The following PTHLH variants were observed in gnomAD, a reference collection of about 807,000 sequenced individuals.
PTHLH encodes the protein parathyroid hormone-related protein.
Under a neutral mutation model 18.6 loss-of-function variants are expected in PTHLH, and 5 were observed. The observed-to-expected ratio is 0.27, with a 90% CI of 0.14 to 0.56. PTHLH has a LOEUF of 0.56. PTHLH is among the 20% of genes least tolerant of loss of function. PTHLH has a pLI of 0.92. For missense variants in PTHLH, 207 were observed against 223.9 expected (o/e 0.92, Z 0.48); for synonymous variants, 90 against 94.0 (o/e 0.96, Z 0.25).
intron 5 of PTHLH, among the ~76,000 whole-genome samples, chr12:27,962,162 C>T (rs12812817): frequency 0.2 from 30,782 of 151,836 alleles, 3,561 homozygotes; most frequent in African/African-American, 0.3. Context: ...CCGTGGAATG[C>T]CTTGGCTTTC....
At chr12:27,965,532 T>C (rs1052996143) in intron 4 of PTHLH, among the ~76,000 whole-genome samples, 1 of 152,212 alleles carries the variant, frequency 6.6e-6, no homozygotes, top group South Asian at 2.1e-4. Context: ...GAAAATACAG[T>C]CATCATTTCT....
chr12:27,961,382 AATAG>A (rs1555124154), intron 5 of PTHLH, among the ~76,000 whole-genome samples: 2 of 138,920 alleles, frequency 1.4e-5, no homozygotes, highest in South Asian at 2.3e-4. Flanking sequence ...GATAGATATA[AATAG>A]ATAGATGATA....
At chr12:27,967,947 C>T (rs1214174523) in intron 4 of PTHLH, among the ~76,000 whole-genome samples, 1 of 152,148 alleles carries the variant, frequency 6.6e-6, no homozygotes, top group African/African-American at 2.4e-5. Flanking sequence ...ATTTCTTAAG[C>T]AACTTTAAAG....
intron 4 of PTHLH, among the ~76,000 whole-genome samples, chr12:27,965,852 T>G (rs1052442327): frequency 3.2e-4 from 49 of 152,250 alleles, no homozygotes; most frequent in Admixed American, 2.9e-3. Context: ...CAGATATAAT[T>G]GCATATTTCA....
chr12:27,966,582 C>T (rs549762367), intron 4 of PTHLH, among the ~76,000 whole-genome samples: 1 of 152,124 alleles, frequency 6.6e-6, no homozygotes, highest in Admixed American at 6.5e-5. Flanking sequence ...GTAAATATGG[C>T]CTCAATAATA....
chr12:27,970,386 C>A (rs2062859276), intron 2 of PTHLH, 119 bp from the exon 3 acceptor site: 1 of 147,926 alleles, frequency 6.8e-6, no homozygotes, highest in South Asian at 1.9e-4. Context: ...CGACGGGCGG[C>A]CCGAACGGGC....
intron 5 of PTHLH, chr12:27,962,113 C>T: frequency 1.9e-6 from 1 of 520,710 alleles, no homozygotes. Context: ...AGCTTTGGGG[C>T]CACCTATTTC....
chr12:27,969,125 T>C, intron 4 of PTHLH: 1 of 481,026 alleles, frequency 2.1e-6, no homozygotes, highest in East Asian at 3.6e-5. Context: ...CAGAGGATCT[T>C]TCCCTAGAAG....
At chr12:27,961,270 A>G (rs937626925) in intron 5 of PTHLH, among the ~76,000 whole-genome samples, 2 of 56,370 alleles carry the variant, frequency 3.5e-5, no homozygotes, top group African/African-American at 6.0e-5. Context: ...ACCTCTTTTT[A>G]TAACTCATAT....
At chr12:27,964,781 C>G (rs2062797434) in intron 4 of PTHLH, among the ~76,000 whole-genome samples, 2 of 152,198 alleles carry the variant, frequency 1.3e-5, no homozygotes, top group African/African-American at 4.8e-5. Context: ...AATTCTCTAT[C>G]AATCCTTTTA....
intron 4 of PTHLH, among the ~76,000 whole-genome samples, chr12:27,965,259 G>A (rs1358993904): frequency 6.6e-6 from 1 of 152,192 alleles, no homozygotes; most frequent in Non-Finnish European, 1.5e-5. Context: ...TTTCCTCAAC[G>A]CTTTCTCCTG....
intron 5 of PTHLH, 47 bp downstream of exon 5, chr12:27,963,301 C>T: frequency 6.2e-7 from 1 of 1,613,966 alleles, no homozygotes. Flanking sequence ...CTCCAAAACC[C>T]AGCTGAGAGC....
At chr12:27,960,646 A>G (rs1050538136) in intron 5 of PTHLH, among the ~76,000 whole-genome samples, 3 of 146,692 alleles carry the variant, frequency 2.0e-5, no homozygotes, top group Non-Finnish European at 4.5e-5. Context: ...TGAACCCAGG[A>G]GGCGGAGGTT....
chr12:27,961,221 C>A (rs1196576341), intron 5 of PTHLH, among the ~76,000 whole-genome samples: 1 of 143,142 alleles, frequency 7.0e-6, no homozygotes, highest in East Asian at 2.0e-4. Context: ...AAGAACATTG[C>A]AAATTTGAAA....
At chr12:27,971,036 C>G (rs1251485356) in intron 2 of PTHLH, among the ~76,000 whole-genome samples, 1 of 152,130 alleles carries the variant, frequency 6.6e-6, no homozygotes, top group Non-Finnish European at 1.5e-5. Flanking sequence ...CAGGAGAGAT[C>G]CCCCTTTTGA....
Position 27,969,457 on chromosome 12 carries a change from A to G in PTHLH, c.38T>C (p.Val13Ala). 2 of 1,592,192 alleles carry G rather than the reference A, an allele frequency of 1.3e-6. No individual in the cohort carries two copies. Among genetic ancestry groups the G allele is most frequent in the Non-Finnish European group, 1.7e-6 (2 of 1,171,164 alleles). ...GGGCACCGCGTAGCTCAGCAGGAAC[A>G]CCGCGACGCTCCACTGCTGAACCAG... ...RRLVQQWSVAVFLLSYAVPSC... is the reference protein window; with the variant it reads ...RRLVQQWSVAAFLLSYAVPSC... The change falls in exon 4 of 6, where the codon GTG becomes GCG. Residue 13 changes from valine to alanine, a missense_variant. Physicochemically the swap from Val to Ala is moderately conservative, Grantham distance 64 (BLOSUM62 0). Coordinates refer to ENST00000545234, the MANE Select transcript of PTHLH (RefSeq NM_198965.2).
chr12:27,963,679 C>A lies in PTHLH; in HGVS notation c.193G>T (p.Ala65Ser), dbSNP rs762237637. 14 of 1,613,244 alleles carry A rather than the reference C, an allele frequency of 8.7e-6. No homozygotes were observed. The highest frequency in any genetic ancestry group is 1.1e-5 in the Non-Finnish European group (13 of 1,179,742). Reference sequence around the variant, plus strand: ...CTGATTTCAGCTGTGTGGATTTCTGCGATCAGATGGTGAAGGAAGAATCGT... The same window carrying A: ...CTGATTTCAGCTGTGTGGATTTCTGAGATCAGATGGTGAAGGAAGAATCGT... ...RRRFFLHHLI[A>S]EIHTAEIRAT... Residue 65 changes from alanine (A) to serine (S), a missense_variant, in exon 5 of 6, where the codon GCA becomes TCA. Transcript: ENST00000545234.
chr12:27,969,840 C>A, intron 3 of PTHLH, 185 bp downstream of exon 3: 1 of 537,430 alleles, frequency 1.9e-6, no homozygotes, highest in South Asian at 1.4e-5. Flanking sequence ...TGTGTTTACA[C>A]GTCTCCCATA....
At chr12:27,963,872 A>C in intron 4 of PTHLH, 102 bp from the exon 5 acceptor site, 1 of 1,199,174 alleles carries the variant, frequency 8.3e-7, no homozygotes, top group Non-Finnish European at 1.2e-6. Flanking sequence ...TAGTTGGTCC[A>C]CCGTAAGACA....
Sources: allele counts gnomAD v4.1 joint callset (sites outside exome capture counted in the v4.1 genomes callset), GRCh38; gene constraint gnomAD v4.1.1; transcripts MANE v1.5; gene names NCBI Gene and HGNC (gene_info 2026-07-23, HGNC 2026-07-21).